UPF1: variants seen among roughly 807,000 people sequenced by gnomAD.
The protein encoded by UPF1 is UPF1 RNA helicase and ATPase.
A neutral mutation model predicts 129.2 loss-of-function variants in UPF1; 9 were observed. The observed-to-expected ratio is 0.07, with a 90% CI of 0.04 to 0.12. The LOEUF (loss-of-function observed/expected upper bound fraction) is 0.12. Ranked by LOEUF, UPF1 falls within the 10% of genes least tolerant of loss-of-function variation. UPF1 has a pLI of 1.00. For missense variants in UPF1, 788 were observed against 1,525.3 expected (o/e 0.52, Z 8.05); for synonymous variants, 649 against 644.9 (o/e 1.01, Z -0.10).
intron 6 of UPF1, 147 bp downstream of exon 6, chr19:18,852,443 C>T (rs925144747): frequency 9.1e-6 from 11 of 1,214,614 alleles, no homozygotes; most frequent in African/African-American, 7.8e-5. Flanking sequence ...CTTGCGGATC[C>T]GGGCCTGGCA....
intron 15 of UPF1, 187 bp from the exon 16 acceptor site, chr19:18,860,134 C>A: frequency 6.4e-6 from 4 of 627,086 alleles, no homozygotes; most frequent in Admixed American, 2.5e-5. Flanking sequence ...TCTCCTCAGC[C>A]TTGCCCAATC....
At position 18,861,118 on chromosome 19, in the gene UPF1, C is replaced by G. The variant is rs577420156; in HGVS notation, c.2457+136C>G. The stretch of plus-strand genomic sequence containing the variant: ...GCCCAGGAAGCACCAGCTGGCCCAC[C>G]CTCTGGGGAGGGCACAGACAGCACA... On this transcript the variant is annotated intron_variant, in intron 17 of 23. Transcript: ENST00000262803. 8.9e-6 allele frequency: 11 copies of G among 1,240,790 alleles called. No homozygotes were observed. The South Asian group carries it at 1.7e-4, about 19-fold the overall frequency. 76.9% of individuals were successfully genotyped at this position (1,240,790 alleles called of 1,614,324 possible). A position where few individuals can be genotyped will look rare whatever the true frequency, so the allele number is the denominator to read the frequency against.
Position 18,865,932 on chromosome 19 carries a change from G to T in UPF1, c.3238-112G>T. 6.3e-7 allele frequency: 1 copy of T among 1,587,514 alleles called. No individual in the cohort carries two copies. Among genetic ancestry groups the T allele is most frequent in the Non-Finnish European group, 8.5e-7 (1 of 1,170,664 alleles). The stretch of plus-strand genomic sequence containing the variant: ...TGGGGTCATCAGAGTGGGTCTCCTG[G>T]GTCTTAGTTTGGGGACGGGTTTTCC... On this transcript the variant is annotated intron_variant, in intron 22 of 23. Transcript: ENST00000262803. This position sits in a 1 kb window ranked among gnomAD's most constrained non-coding sequence, Gnocchi z 6.1.
At chr19:18,861,899 C>G (rs1312042845) in intron 17 of UPF1, 111 bp from the exon 18 acceptor site, 10 of 1,431,782 alleles carry the variant, frequency 7.0e-6, no homozygotes, top group African/African-American at 1.4e-5. Context: ...AGGCGCCAGG[C>G]CCCAAGCTCC....
intron 2 of UPF1, 117 bp from the exon 3 acceptor site, chr19:18,847,627 A>C (rs984141349): frequency 1.1e-6 from 1 of 876,676 alleles, no homozygotes; most frequent in Admixed American, 2.0e-5. Context: ...GTTGGGGTTG[A>C]GTATGTGTTT....
intron 12 of UPF1, 24 bp from the exon 13 acceptor site, chr19:18,856,162 C>T (rs1363517591): frequency 1.2e-6 from 2 of 1,604,554 alleles, no homozygotes; most frequent in South Asian, 1.1e-5. Flanking sequence ...CTCAGGCACC[C>T]TGCTGACCTG....
chr19:18,857,129 A>C, intron 14 of UPF1, 109 bp downstream of exon 14: 1 of 1,526,678 alleles, frequency 6.6e-7, no homozygotes, highest in Non-Finnish European at 8.8e-7. Context: ...GAGTGTGCGC[A>C]CACTGGGGGC....
intron 11 of UPF1, chr19:18,855,470 G>GT: frequency 1.7e-6 from 1 of 591,188 alleles, no homozygotes; most frequent in Non-Finnish European, 3.0e-6. Context: ...ACTGGGGGCA[G>GT]GGGGGGCATG....
chr19:18,860,995 C>T lies in UPF1; in HGVS notation c.2457+13C>T, dbSNP rs765203247. On this transcript the variant is annotated intron_variant, in intron 17 of 23. Coordinates refer to ENST00000262803, the MANE Select transcript of UPF1 (RefSeq NM_002911.4). ...CAAGCTCTACCAGGTGCGCTGCGCC[C>T]TCGGGCACACTTGGTCTCCTGGGCC... 1 of 1,561,712 alleles carries T rather than the reference C, an allele frequency of 6.4e-7. No homozygotes were observed.
In UPF1 at chr19:18,867,148, C is replaced by G. The variant is rs907602170; in HGVS notation, c.*631C>G. On this transcript the variant is annotated 3_prime_UTR_variant, in exon 24 of 24. Transcript: ENST00000262803. Reference sequence around the variant, plus strand: ...TGTCTGTAAAATCTTAGCGGTGGACCTGGGAGATTTGAGAAGCTTCCAGAA... The same window carrying G: ...TGTCTGTAAAATCTTAGCGGTGGACGTGGGAGATTTGAGAAGCTTCCAGAA... 3 of 152,456 alleles carry G rather than the reference C, an allele frequency of 2.0e-5. No homozygotes were observed. Among genetic ancestry groups the G allele is most frequent in the African/African-American group, 4.8e-5 (2 of 41,438 alleles). The allele number at this position is 152,456 out of a possible 1,614,324, so 9.4% of individuals were successfully genotyped here. A position where few individuals can be genotyped will look rare whatever the true frequency, so the allele number is the denominator to read the frequency against.
chr19:18,855,076 G>T (rs1479965372), intron 10 of UPF1, 38 bp downstream of exon 10: 1 of 1,613,160 alleles, frequency 6.2e-7, no homozygotes, highest in Non-Finnish European at 8.5e-7. Context: ...CTCGCCCATG[G>T]GCCGGGACGC....
At chr19:18,844,662 A>G (rs1254739547) in intron 1 of UPF1, among the ~76,000 whole-genome samples, 2 of 151,918 alleles carry the variant, frequency 1.3e-5, no homozygotes, top group African/African-American at 4.8e-5. Context: ...GTGAGGGGAT[A>G]AGTTGACAGC....
intron 3 of UPF1, 79 bp from the exon 4 acceptor site, chr19:18,849,995 CT>C: frequency 6.3e-7 from 1 of 1,578,456 alleles, no homozygotes; most frequent in South Asian, 1.1e-5. Flanking sequence ...GGTACCGGAA[CT>C]TTTAACAGGG....
At chr19:18,840,873 A>C (rs2055533959) in intron 1 of UPF1, among the ~76,000 whole-genome samples, 1 of 152,184 alleles carries the variant, frequency 6.6e-6, no homozygotes, top group African/African-American at 2.4e-5. Flanking sequence ...CGGGCTTCTC[A>C]GGTCCCGTGG....
rs1601110379 is a variant in UPF1, at chr19:18,850,794, C to T, written c.736C>T (p.Pro246Ser). 6.2e-7 allele frequency: 1 copy of T among 1,610,790 alleles called. No homozygotes were observed. The highest frequency in any genetic ancestry group is 8.5e-7 in the Non-Finnish European group (1 of 1,178,926). ...RCFLSWLVKI[P>S]SEQEQLRARQ... The stretch of plus-strand genomic sequence containing the variant: ...CTTCCTGTCCTGGCTGGTCAAGATC[C>T]CCTCCGAGCAGGAGCAGCTGCGGGC... The change falls in exon 5 of 24, where the codon CCC becomes TCC. Residue 246 changes from proline to serine, a missense_variant. Physicochemically the swap from Pro to Ser is moderately conservative, Grantham distance 74 (BLOSUM62 -1). Around this residue, in one of 6 missense-constraint regions of UPF1, gnomAD observed 227 missense variants for 517.9 expected, o/e 0.44. Transcript: ENST00000262803. This position sits in a 1 kb window ranked among gnomAD's most constrained non-coding sequence, Gnocchi z 7.1.
chr19:18,846,859 G>A (rs1487311665), intron 2 of UPF1, among the ~76,000 whole-genome samples: 6 of 152,144 alleles, frequency 3.9e-5, no homozygotes, highest in African/African-American at 7.2e-5. Flanking sequence ...GCATGGTGGC[G>A]GGCGCCTGTA....
At chr19:18,861,806 T>C (rs1284255775) in intron 17 of UPF1, among the ~76,000 whole-genome samples, 3 of 152,142 alleles carry the variant, frequency 2.0e-5, no homozygotes, top group Non-Finnish European at 4.4e-5. Flanking sequence ...CTAGCCTGGG[T>C]GACAGAGCAA....
Position 18,865,582 on chromosome 19 carries a change from A to G in UPF1, c.3041A>G (p.Lys1014Arg). ...PAAGRGTPKG[K>R]TGRGGRQKNR... ...TCAGGGCGAGGCACCCCGAAAGGCA[A>G]GACTGGTCGTGGGGGACGCCAGAAG... is the stretch of plus-strand genomic sequence containing the variant. The change falls in exon 22 of 24, where the codon AAG (lysine) becomes AGG (arginine). Residue 1014 changes from lysine (K) to arginine (R), a missense_variant. Coordinates refer to ENST00000262803, the MANE Select transcript of UPF1 (RefSeq NM_002911.4). This position sits in a 1 kb window ranked among gnomAD's most constrained non-coding sequence, Gnocchi z 6.1. The G allele has an allele frequency of 6.2e-7, 1 of 1,613,916 alleles. No individual in the cohort carries two copies. The highest frequency in any genetic ancestry group is 8.5e-7 in the Non-Finnish European group (1 of 1,180,030).
chr19:18,864,733 GTTTTTT>G (rs10682791), intron 20 of UPF1, among the ~76,000 whole-genome samples: 3 of 73,568 alleles, frequency 4.1e-5, no homozygotes, highest in East Asian at 3.9e-4. Flanking sequence ...ATTTGCAGGT[GTTTTTT>G]TTTTTTTTTT....
Sources: gnomAD v4.1 joint callset for allele counts (sites outside exome capture counted in the v4.1 genomes callset) on GRCh38, gnomAD v4.1.1 for gene constraint, gnomAD v4.1.1 regional missense constraint, Gnocchi (gnomAD v3.1) non-coding constraint, MANE v1.5 for transcripts, NCBI Gene and HGNC (gene_info 2026-07-23, HGNC 2026-07-21) for gene names.